MSTO1: variants seen among roughly 807,000 people sequenced by gnomAD.
MSTO1 encodes the protein protein misato homolog 1.
MSTO1 carries 24 observed loss-of-function variants against 55.7 expected under a neutral mutation model. The ratio of observed to expected loss-of-function variants is 0.43; its 90% CI spans 0.31 to 0.61. MSTO1 has a LOEUF of 0.61. Ranked by LOEUF, MSTO1 falls within the 20% of genes least tolerant of loss-of-function variation. The pLI is 0.09. For missense variants in MSTO1, 363 were observed against 625.7 expected, an observed-to-expected ratio of 0.58 and a Z score of 4.48; for synonymous variants, 162 against 252.8, an observed-to-expected ratio of 0.64 and a Z score of 3.41.
chr1:155,566,908 C>T, the MSTO1 span, among the ~76,000 whole-genome samples: 1 of 151,916 alleles, frequency 6.6e-6, no homozygotes, highest in Non-Finnish European at 1.5e-5. Context: ...AGCCACCACA[C>T]CCGGCCAGGT....
the MSTO1 span, among the ~76,000 whole-genome samples, chr1:155,582,383 T>C: frequency 3.3e-5 from 5 of 152,232 alleles, no homozygotes; most frequent in Non-Finnish European, 2.9e-5. Context: ...GTATATACCC[T>C]GGAAAATAGA....
the MSTO1 span, chr1:155,598,766 C>A: frequency 2.5e-6 from 2 of 809,686 alleles, no homozygotes; most frequent in Non-Finnish European, 4.2e-6. Flanking sequence ...GTTGACAGTA[C>A]AAGTGACCTT....
At chr1:155,568,084 A>ATTTTTT in the MSTO1 span, among the ~76,000 whole-genome samples, 6 of 148,686 alleles carry the variant, frequency 4.0e-5, no homozygotes, top group African/African-American at 1.5e-4. Flanking sequence ...ATTTTATTTT[A>ATTTTTT]TTTTATTTTT....
At chr1:155,598,717 G>C in the MSTO1 span, 1 of 520,610 alleles carries the variant, frequency 1.9e-6, no homozygotes, top group Middle Eastern at 5.6e-4. Flanking sequence ...GCGAGACCCA[G>C]TCTCAAACAG....
chr1:155,601,351 G>A, the MSTO1 span, among the ~76,000 whole-genome samples: 2 of 151,640 alleles, frequency 1.3e-5, no homozygotes, highest in Non-Finnish European at 2.9e-5. Context: ...TGGCCAGGCT[G>A]ATTTTGAACT....
the MSTO1 span, among the ~76,000 whole-genome samples, chr1:155,575,520 G>A: frequency 7.2e-5 from 11 of 151,834 alleles, no homozygotes; most frequent in Non-Finnish European, 1.5e-5. Context: ...ACGGCTCACT[G>A]CAGCCTCAGC....
At chr1:155,579,187 C>A in the MSTO1 span, among the ~76,000 whole-genome samples, 4 of 152,026 alleles carry the variant, frequency 2.6e-5, no homozygotes, top group East Asian at 7.9e-4. Flanking sequence ...GTGGCGCATG[C>A]AGGCAATCCT....
the MSTO1 span, among the ~76,000 whole-genome samples, chr1:155,577,336 C>T: frequency 3.3e-5 from 5 of 152,098 alleles, no homozygotes; most frequent in African/African-American, 1.2e-4. Context: ...GATCCACCCG[C>T]CTCGGCCTCC....
upstream of MSTO1, among the ~76,000 whole-genome samples, chr1:155,608,824 T>A (rs910873448): frequency 1.3e-5 from 2 of 149,878 alleles, no homozygotes; most frequent in Non-Finnish European, 3.0e-5. Context: ...ATTTTTATTT[T>A]TTTATTTTTT....
chr1:155,604,684 TG>T, the MSTO1 span, among the ~76,000 whole-genome samples: 1 of 151,238 alleles, frequency 6.6e-6, no homozygotes, highest in Non-Finnish European at 1.5e-5. Context: ...AAAGCCCGTC[TG>T]GGCAACATGG....
intron 13 of MSTO1, 78 bp from the exon 14 acceptor site, chr1:155,613,981 A>G (rs1252237185): frequency 6.3e-6 from 10 of 1,595,332 alleles, no homozygotes; most frequent in Admixed American, 5.2e-5. Context: ...CTAAGGTTGG[A>G]CTTCCTTATC....
In MSTO1 at chr1:155,612,579, C is replaced by G; in HGVS notation, c.966+9C>G. The G allele has an allele frequency of 6.2e-7, 1 of 1,605,842 alleles. No homozygotes were observed. Among genetic ancestry groups the G allele is most frequent in the Non-Finnish European group, 8.5e-7 (1 of 1,177,232 alleles). On this transcript the variant is annotated intron_variant, in intron 9 of 13. Transcript: ENST00000245564. ...CTTACCTGCATTATGATGTAAGTCT[C>G]GGTGCTCTTGTTCTGACTGCGGCAG...
chr1:155,603,777 G>A, the MSTO1 span, among the ~76,000 whole-genome samples: 3 of 152,090 alleles, frequency 2.0e-5, no homozygotes, highest in Non-Finnish European at 4.4e-5. Flanking sequence ...AGAATCGCTT[G>A]AACCTGGGAG....
At chr1:155,571,439 G>A in the MSTO1 span, among the ~76,000 whole-genome samples, 2 of 152,108 alleles carry the variant, frequency 1.3e-5, no homozygotes, top group Non-Finnish European at 2.9e-5. Flanking sequence ...CACCCCTGCT[G>A]TAGTCCAAGC....
the MSTO1 span, among the ~76,000 whole-genome samples, chr1:155,570,858 G>A: frequency 1.3e-5 from 2 of 152,138 alleles, no homozygotes; most frequent in South Asian, 4.1e-4. Flanking sequence ...GGGATCTCCC[G>A]AGGATAAGGG....
chr1:155,585,720 G>A, the MSTO1 span, among the ~76,000 whole-genome samples: 6 of 151,884 alleles, frequency 4.0e-5, no homozygotes, highest in Non-Finnish European at 8.8e-5. Flanking sequence ...TAATACACAT[G>A]TTATAAAAAT....
chr1:155,586,622 G>A, the MSTO1 span: 2 of 471,840 alleles, frequency 4.2e-6, no homozygotes, highest in African/African-American at 2.0e-5. Context: ...TCCCATTTGT[G>A]CTTTACCTTT....
the MSTO1 span, among the ~76,000 whole-genome samples, chr1:155,578,336 CTTTTTT>C: frequency 2.5e-4 from 11 of 44,290 alleles, no homozygotes; most frequent in African/African-American, 3.1e-4. Context: ...AACTACCTTT[CTTTTTT>C]TTTTTTTTTT....
At chr1:155,568,878 G>A in the MSTO1 span, among the ~76,000 whole-genome samples, 5 of 144,316 alleles carry the variant, frequency 3.5e-5, no homozygotes, top group Non-Finnish European at 6.0e-5. Context: ...TTGAGAAGGA[G>A]TCTCACTGTG....
Sources: allele counts gnomAD v4.1 joint callset (sites outside exome capture counted in the v4.1 genomes callset), GRCh38; gene constraint gnomAD v4.1.1; transcripts MANE v1.5; gene names NCBI Gene and HGNC (gene_info 2026-07-23, HGNC 2026-07-21).